SCN3A: variants seen among roughly 807,000 people sequenced by gnomAD.
SCN3A encodes the protein sodium channel protein type 3 subunit alpha.
SCN3A carries 60 observed loss-of-function variants against 187.6 expected under a neutral mutation model. The ratio of observed to expected loss-of-function variants is 0.32; its 90% CI spans 0.26 to 0.40. The LOEUF (loss-of-function observed/expected upper bound fraction) is 0.40. Ranked by LOEUF, SCN3A falls within the 10% of genes least tolerant of loss-of-function variation. The pLI, the probability that SCN3A is intolerant of heterozygous loss-of-function variation, is 1.00. For missense variants in SCN3A, 1,601 were observed against 2,428.2 expected (o/e 0.66, Z 7.16); for synonymous variants, 788 against 829.2 (o/e 0.95, Z 0.85).
At chr2:165,189,897 C>A (rs1691484977) in intron 1 of SCN3A, among the ~76,000 whole-genome samples, 1 of 152,122 alleles carries the variant, frequency 6.6e-6, no homozygotes, top group African/African-American at 2.4e-5. Flanking sequence ...ACATGATATA[C>A]CTGCTTAAGA....
At position 165,089,120 on chromosome 2, in the gene SCN3A, T is replaced by C; in HGVS notation, c.*1030A>G. ...ATGAATGATACAGGATACATCCCTG[T>C]TGGAAGCTTGCAAAAGACACATACA... is the stretch of plus-strand genomic sequence containing the variant. On this transcript the variant is annotated 3_prime_UTR_variant, in exon 28 of 28. Transcript: ENST00000283254. 1 of 152,586 alleles carries C rather than the reference T, an allele frequency of 6.6e-6. No individual in the cohort carries two copies. The highest frequency in any genetic ancestry group is 1.9e-4 in the East Asian group (1 of 5,196). The allele number at this position is 152,586 out of a possible 1,614,324, so 9.5% of individuals were successfully genotyped here.
chr2:165,096,550 TA>T (rs1476567044), intron 23 of SCN3A, 30 bp from the exon 24 acceptor site: 1 of 1,552,880 alleles, frequency 6.4e-7, no homozygotes, highest in Admixed American at 1.7e-5. Flanking sequence ...GAATTGTTCA[TA>T]AAAATTTCAC....
chr2:165,106,404 G>A (rs894882232), intron 21 of SCN3A, among the ~76,000 whole-genome samples: 1 of 152,156 alleles, frequency 6.6e-6, no homozygotes. Context: ...CACACTCCTA[G>A]AAAAAATTTT....
intron 3 of SCN3A, among the ~76,000 whole-genome samples, chr2:165,172,377 C>A (rs776806317): frequency 6.6e-6 from 1 of 152,110 alleles, no homozygotes; most frequent in South Asian, 2.1e-4. Context: ...ATGAAGCGGG[C>A]AAGCAAACTA....
intron 2 of SCN3A, among the ~76,000 whole-genome samples, chr2:165,184,483 G>GAAAA (rs397986547): frequency 5.0e-5 from 3 of 59,560 alleles, no homozygotes; most frequent in African/African-American, 5.2e-5. Flanking sequence ...GTCTAGTTCA[G>GAAAA]AAAAAAAAAA....
intron 2 of SCN3A, among the ~76,000 whole-genome samples, chr2:165,181,971 T>C (rs369048369): frequency 1.3e-5 from 2 of 152,336 alleles, no homozygotes; most frequent in South Asian, 2.1e-4. Flanking sequence ...TTTTTCTTAC[T>C]GAGAGTGTGC....
At chr2:165,104,440 A>T (rs78775860) in intron 21 of SCN3A, among the ~76,000 whole-genome samples, 1 of 151,844 alleles carries the variant, frequency 6.6e-6, no homozygotes, top group African/African-American at 2.4e-5. Flanking sequence ...ATAATACTAG[A>T]GCCTTACCTC....
intron 25 of SCN3A, among the ~76,000 whole-genome samples, chr2:165,095,151 T>C (rs1278314497): frequency 6.6e-6 from 1 of 152,150 alleles, no homozygotes; most frequent in Non-Finnish European, 1.5e-5. Context: ...GTATGGGTGG[T>C]GACTATGTAG....
chr2:165,171,206 G>C (rs1015710574), intron 3 of SCN3A, among the ~76,000 whole-genome samples: 1 of 151,928 alleles, frequency 6.6e-6, no homozygotes, highest in Non-Finnish European at 1.5e-5. Flanking sequence ...TATTTACCAT[G>C]TTCCTATAGA....
intron 2 of SCN3A, among the ~76,000 whole-genome samples, chr2:165,186,134 G>A (rs1346653502): frequency 6.6e-6 from 1 of 152,094 alleles, no homozygotes; most frequent in African/African-American, 2.4e-5. Flanking sequence ...AGCCGGGCTT[G>A]TGGCAGGCGC....
intron 1 of SCN3A, among the ~76,000 whole-genome samples, chr2:165,200,742 G>C (rs926568813): frequency 6.6e-6 from 1 of 152,028 alleles, no homozygotes; most frequent in African/African-American, 2.4e-5. Context: ...TGAAGGGAAG[G>C]ATTAGGAGGC....
chr2:165,096,157 T>C (rs1448941618), intron 24 of SCN3A, among the ~76,000 whole-genome samples: 2 of 152,140 alleles, frequency 1.3e-5, no homozygotes, highest in African/African-American at 4.8e-5. Flanking sequence ...TGGTTTATCA[T>C]ACTCTCCAGG....
intron 22 of SCN3A, among the ~76,000 whole-genome samples, chr2:165,099,585 C>T (rs1685510798): frequency 6.6e-6 from 1 of 151,954 alleles, no homozygotes; most frequent in Non-Finnish European, 1.5e-5. Flanking sequence ...GGCGTGGTGG[C>T]GGGCACCTGT....
chr2:165,183,672 C>T lies in SCN3A; in HGVS notation c.-51+2879G>A, dbSNP rs745551414. Among the ~76,000 whole-genome samples, 53 of 152,230 alleles carry T rather than the reference C, an allele frequency of 3.5e-4. 1 individual carries two copies. Among genetic ancestry groups the T allele is most frequent in the Middle Eastern group, 3.4e-3 (1 of 294 alleles). ...TTTTCCAGAACAGCAGACAGTTTGG[C>T]AAATTGTATTGGTCCATAACCTGTA... On this transcript the variant is annotated intron_variant, in intron 2 of 27. Coordinates refer to ENST00000283254, the MANE Select transcript of SCN3A (RefSeq NM_006922.4).
intron 2 of SCN3A, among the ~76,000 whole-genome samples, chr2:165,180,847 T>A (rs995538799): frequency 6.6e-6 from 1 of 152,104 alleles, no homozygotes; most frequent in Non-Finnish European, 1.5e-5. Context: ...CCTAGAGCAG[T>A]AGTTTTCAAA....
At chr2:165,135,360 C>A (rs977868420) in intron 15 of SCN3A, among the ~76,000 whole-genome samples, 2 of 152,018 alleles carry the variant, frequency 1.3e-5, no homozygotes, top group African/African-American at 4.8e-5. Context: ...ACTGCAGAAA[C>A]AGAATGCAAA....
chr2:165,202,053 T>C, intron 1 of SCN3A, among the ~76,000 whole-genome samples: 1 of 152,060 alleles, frequency 6.6e-6, no homozygotes, highest in East Asian at 1.9e-4. Flanking sequence ...AACCTTTTTA[T>C]CTTCAGTACT....
intron 12 of SCN3A, among the ~76,000 whole-genome samples, chr2:165,143,034 G>A (rs1688106291): frequency 6.6e-6 from 1 of 152,106 alleles, no homozygotes; most frequent in Non-Finnish European, 1.5e-5. Context: ...TTACAGGCAT[G>A]AGCCACCATG....
At chr2:165,176,517 C>A in intron 2 of SCN3A, 73 bp from the exon 3 acceptor site, 1 of 1,155,380 alleles carries the variant, frequency 8.7e-7, no homozygotes, top group South Asian at 1.3e-5. Flanking sequence ...ACCAAAATGT[C>A]ATTTTTTAGT....
Sources: gnomAD v4.1 joint callset for allele counts (sites outside exome capture counted in the v4.1 genomes callset) on GRCh38, gnomAD v4.1.1 for gene constraint, MANE v1.5 for transcripts, NCBI Gene and HGNC (gene_info 2026-07-23, HGNC 2026-07-21) for gene names.